Variants in NAT10 observed in about 807,000 individuals in gnomAD.
NAT10 encodes the protein N-acetyltransferase 10.
NAT10 carries 109 observed loss-of-function variants against 132.2 expected under a neutral mutation model. The observed-to-expected ratio is 0.82, with a 90% CI of 0.71 to 0.97. The LOEUF is 0.97. Among genes scored for constraint, NAT10 ranks in the 50% least tolerant of loss-of-function variants. The pLI is 0.00. For missense variants in NAT10, 1,184 were observed against 1,263.4 expected (o/e 0.94, Z 0.95); for synonymous variants, 479 against 478.0 (o/e 1.00, Z -0.03).
At position 34,140,425 on chromosome 11, in the gene NAT10, A is replaced by G. The variant is rs777616873; in HGVS notation, c.2445A>G (p.Ala815=). ...CCCTGAGCCGGGAGGAGCTGGAAGC[A>G]CTCTTCCTCCCCTATGACCTGAAGC... The part of the protein sequence containing the change: ...QPALSREELE[A]LFLPYDLKRL... Residue 815 remains alanine, a synonymous_variant, in exon 24 of 29, where the codon GCA becomes GCG. Transcript: ENST00000257829. The G allele has an allele frequency of 2.5e-6, 4 of 1,613,438 alleles. No homozygotes were observed. The South Asian group carries it at 4.4e-5, about 18-fold the overall frequency.
Position 34,136,976 on chromosome 11 carries a change from A to C in NAT10, c.2163-2A>C. 1 of 1,614,118 alleles carries C rather than the reference A, an allele frequency of 6.2e-7. No individual in the cohort carries two copies. ...TGACCTACTGTCTTTGTATCTTTGC[A>C]GGTTCTGGAAACGAGCTGGATTTGT... On this transcript the variant is annotated splice_acceptor_variant, in intron 20 of 28. Transcript: ENST00000257829. LOFTEE classifies it high-confidence loss of function.
intron 21 of NAT10, 99 bp from the exon 22 acceptor site, chr11:34,139,092 G>A: frequency 9.0e-7 from 1 of 1,116,694 alleles, no homozygotes; most frequent in Non-Finnish European, 1.3e-6. Context: ...GCCTGCGGAA[G>A]CACTAAGCCT....
intron 5 of NAT10, among the ~76,000 whole-genome samples, chr11:34,114,904 G>T (rs770113834): frequency 4.6e-5 from 7 of 152,154 alleles, no homozygotes; most frequent in Non-Finnish European, 7.4e-5. Context: ...TGTAATCCTA[G>T]CACTTTGGGA....
chr11:34,111,875 A>C (rs1851700031), intron 3 of NAT10, among the ~76,000 whole-genome samples, 177 bp from the exon 4 acceptor site: 1 of 152,154 alleles, frequency 6.6e-6, no homozygotes, highest in Non-Finnish European at 1.5e-5. Flanking sequence ...GCCCTTAAGC[A>C]CTCTAATGCC....
At position 34,142,291 on chromosome 11, in the gene NAT10, A is replaced by T; in HGVS notation, c.2828A>T (p.Glu943Val). 6.2e-7 allele frequency: 1 copy of T among 1,614,170 alleles called. No homozygotes were observed. Among genetic ancestry groups the T allele is most frequent in the Non-Finnish European group, 8.5e-7 (1 of 1,180,022 alleles). The part of the protein sequence containing the change: ...LSDDLDEAAK[E>V]FQEKHKKEVG... ...TAACCACAGGATGAAGCAGCAAAGG[A>T]ATTTCAGGAGAAACACAAGAAGGAA... Residue 943 changes from glutamate to valine, a missense_variant, in exon 27 of 29, where the codon GAA (glutamate) becomes GTA (valine). Glu to Val is a moderately radical substitution (Grantham distance 121, BLOSUM62 -2). Transcript: ENST00000257829.
chr11:34,131,657 TTTCCTTTTTCTC>T lies in NAT10; in HGVS notation c.1520+136_1520+147del, dbSNP rs1360317245. Reference sequence around the variant, plus strand: ...AAAGGGGAAAGTTGAACATTTTCAATTTCCTTTTTCTCTTCCTTTTTTTTTTTTCTTTCTTTT... The same window carrying T: ...AAAGGGGAAAGTTGAACATTTTCAATTTCCTTTTTTTTTTTTCTTTCTTTT... On this transcript the variant is annotated intron_variant, in intron 14 of 28. Transcript: ENST00000257829. The T allele has an allele frequency of 2.4e-4, 249 of 1,041,660 alleles. No homozygotes were observed. In the East Asian group the frequency reaches 7.0e-3, roughly 29 times the overall value. The allele number at this position is 1,041,660 out of a possible 1,614,324, so 64.5% of individuals were successfully genotyped here. A position where few individuals can be genotyped will look rare whatever the true frequency, so the allele number is the denominator to read the frequency against.
At chr11:34,119,197 G>C (rs1343075195) in intron 8 of NAT10, among the ~76,000 whole-genome samples, 1 of 152,206 alleles carries the variant, frequency 6.6e-6, no homozygotes, top group Non-Finnish European at 1.5e-5. Context: ...GTCTGCACTG[G>C]TAAACTTGGC....
intron 19 of NAT10, among the ~76,000 whole-genome samples, 194 bp from the exon 20 acceptor site, chr11:34,136,448 C>A (rs1852214388): frequency 1.3e-5 from 2 of 152,196 alleles, no homozygotes; most frequent in Non-Finnish European, 2.9e-5. Context: ...CAGTGTGATT[C>A]TATGCATGTT....
chr11:34,112,028 G>A, intron 3 of NAT10, 24 bp from the exon 4 acceptor site: 2 of 1,612,842 alleles, frequency 1.2e-6, no homozygotes, highest in South Asian at 2.2e-5. Context: ...TGGCTCTCAT[G>A]GGATTGGGGG....
chr11:34,131,319 T>G (rs1852100681), intron 13 of NAT10, 62 bp from the exon 14 acceptor site: 1 of 1,539,322 alleles, frequency 6.5e-7, no homozygotes, highest in Non-Finnish European at 8.8e-7. Flanking sequence ...TTTCCTTGCT[T>G]TTTTAGACAA....
At chr11:34,127,037 T>C (rs1852007562) in intron 11 of NAT10, among the ~76,000 whole-genome samples, 1 of 152,198 alleles carries the variant, frequency 6.6e-6, no homozygotes, top group Non-Finnish European at 1.5e-5. Flanking sequence ...TCGGCTTTCC[T>C]TATCTGAGGC....
chr11:34,136,602 C>T, intron 19 of NAT10, 40 bp from the exon 20 acceptor site: 7 of 1,613,488 alleles, frequency 4.3e-6, no homozygotes, highest in African/African-American at 1.3e-5. Flanking sequence ...CTCTCTCCCT[C>T]TGCTGAATGG....
intron 2 of NAT10, 48 bp from the exon 3 acceptor site, chr11:34,108,694 C>G (rs375517686): frequency 9.7e-6 from 15 of 1,553,124 alleles, no homozygotes; most frequent in Non-Finnish European, 1.3e-5. Flanking sequence ...CTGGCGGTCT[C>G]TAAAGTCTCT....
In NAT10 at chr11:34,118,380, C is replaced by G. The variant is rs754881799; in HGVS notation, c.673-16C>G. The G allele has an allele frequency of 6.2e-7, 1 of 1,612,868 alleles. No individual in the cohort carries two copies. Among genetic ancestry groups the G allele is most frequent in the Non-Finnish European group, 8.5e-7 (1 of 1,178,988 alleles). On this transcript the variant is annotated splice_polypyrimidine_tract_variant and intron_variant, in intron 7 of 28. Transcript: ENST00000257829. ...TGTGACAGTGACAGACCTTCCCCTTCTCCTCTCTCTGGTAGGATGAGAGTC... is the reference window on the plus strand; with the variant it reads ...TGTGACAGTGACAGACCTTCCCCTTGTCCTCTCTCTGGTAGGATGAGAGTC...
chr11:34,131,561 T>A (rs1448393492), intron 14 of NAT10, 30 bp downstream of exon 14: 1 of 1,588,124 alleles, frequency 6.3e-7, no homozygotes, highest in Admixed American at 1.7e-5. Flanking sequence ...ACTGGCCCTG[T>A]GAAAAGGAGA....
chr11:34,117,104 G>T (rs1359107057), intron 6 of NAT10, among the ~76,000 whole-genome samples: 1 of 152,160 alleles, frequency 6.6e-6, no homozygotes, highest in Non-Finnish European at 1.5e-5. Context: ...CACCTATACC[G>T]TTTTTTCCTT....
At chr11:34,110,559 C>CTTTTTTTTTTTT (rs948109196) in intron 3 of NAT10, among the ~76,000 whole-genome samples, 5 of 101,720 alleles carry the variant, frequency 4.9e-5, no homozygotes, top group East Asian at 2.7e-4. Flanking sequence ...TTTTCTTTCC[C>CTTTTTTTTTTTT]TTTTTTTTTT....
chr11:34,141,764 G>A lies in NAT10; in HGVS notation c.2758G>A (p.Ala920Thr). Residue 920 changes from alanine (A) to threonine (T), a missense_variant, in exon 26 of 29, where the codon GCA becomes ACA. Ala to Thr is a moderately conservative substitution (Grantham distance 58). Transcript: ENST00000257829. ...QEKAIEEQMVAAKDVVMEPTM... is the reference protein window; with the variant it reads ...QEKAIEEQMVTAKDVVMEPTM... ...AAAGGCCATTGAGGAGCAGATGGTG[G>A]CAGCGAAGGATGTGGTCATGGAGCC... The A allele has an allele frequency of 6.2e-7, 1 of 1,614,076 alleles. No homozygotes were observed. Among genetic ancestry groups the A allele is most frequent in the South Asian group, 1.1e-5 (1 of 91,080 alleles).
chr11:34,128,636 G>A (rs1395830889), intron 12 of NAT10, among the ~76,000 whole-genome samples: 1 of 152,174 alleles, frequency 6.6e-6, no homozygotes, highest in Non-Finnish European at 1.5e-5. Context: ...TGCTTACACT[G>A]AAAATACTGA....
Sources: allele counts gnomAD v4.1 joint callset (sites outside exome capture counted in the v4.1 genomes callset), GRCh38; gene constraint gnomAD v4.1.1; transcripts MANE v1.5; gene names NCBI Gene and HGNC (gene_info 2026-07-23, HGNC 2026-07-21).